The following MEIS2 variants were observed in gnomAD, a reference collection of about 807,000 sequenced individuals.
The protein encoded by MEIS2 is Meis homeobox 2, also known as homeobox protein Meis2.
In MEIS2, 9 loss-of-function variants were observed where a neutral mutation model predicts 58.6. The observed-to-expected ratio is 0.15, with a 90% CI of 0.09 to 0.27. The LOEUF is 0.27. MEIS2 is among the 10% of genes least tolerant of loss of function. The probability of loss-of-function intolerance (pLI) is 1.00; values close to 1 mark genes in which losing one functional copy is unlikely to be tolerated. For synonymous variants in MEIS2, 221 were observed against 228.4 expected, an observed-to-expected ratio of 0.97 and a Z score of 0.29; for missense variants, 427 against 635.0, an observed-to-expected ratio of 0.67 and a Z score of 3.52.
intron 7 of MEIS2, among the ~76,000 whole-genome samples, chr15:37,080,365 G>A (rs62045827): frequency 0.014 from 2,068 of 152,186 alleles, 21 homozygotes; most frequent in Non-Finnish European, 0.023. Flanking sequence ...TCTAAACACT[G>A]AGGGGTCTAT....
At chr15:36,996,886 A>AGAAATGGGAGTAACTCTCCATATTACATC (rs2060541224) in intron 8 of MEIS2, among the ~76,000 whole-genome samples, 1 of 152,068 alleles carries the variant, frequency 6.6e-6, no homozygotes, top group Non-Finnish European at 1.5e-5. Context: ...CATATTACAT[A>AGAAATGGGAGTAACTCTCCATATTACATC]CTTGCATTCA....
chr15:37,083,956 G>A (rs1012953073), intron 6 of MEIS2, 71 bp from the exon 7 acceptor site: 141 of 1,371,440 alleles, frequency 1.0e-4, no homozygotes, highest in Non-Finnish European at 1.4e-4. Flanking sequence ...CAAAAGGAAC[G>A]GCACAGAAAG....
At chr15:36,924,990 C>A (rs940231390) in intron 9 of MEIS2, among the ~76,000 whole-genome samples, 11 of 152,238 alleles carry the variant, frequency 7.2e-5, no homozygotes, top group African/African-American at 2.6e-4. Context: ...CTTCTTCCTG[C>A]GCATCAGCAC....
intron 7 of MEIS2, among the ~76,000 whole-genome samples, chr15:37,055,836 G>A (rs899401263): frequency 6.6e-6 from 1 of 152,134 alleles, no homozygotes; most frequent in Non-Finnish European, 1.5e-5. Context: ...GGTCCCAGTG[G>A]TTATTTAGGT....
intron 7 of MEIS2, among the ~76,000 whole-genome samples, chr15:37,064,694 A>C (rs1156397111): frequency 6.6e-6 from 1 of 152,206 alleles, no homozygotes; most frequent in Non-Finnish European, 1.5e-5. Context: ...AGGTTATAAG[A>C]ACACTTACGC....
Position 36,892,070 on chromosome 15 carries a change from C to T in MEIS2, c.*103G>A. On this transcript the variant is annotated 3_prime_UTR_variant, in exon 12 of 12. Transcript: ENST00000561208. ...AAATGACAAAAGTAAAAAATAATCA[C>T]AGCTGTCTGGAATTTCATATTAAGT... The T allele has an allele frequency of 1.6e-6, 2 of 1,255,716 alleles. No individual in the cohort carries two copies. 77.8% of individuals were successfully genotyped at this position (1,255,716 alleles called of 1,614,324 possible).
intron 2 of MEIS2, chr15:37,097,124 A>G (rs1262193540): frequency 6.6e-6 from 1 of 152,122 alleles, no homozygotes; most frequent in African/African-American, 2.4e-5. Context: ...GTGTTTTAAA[A>G]CTTTAAGTGT....
At chr15:36,990,161 G>A (rs79076868) in intron 8 of MEIS2, among the ~76,000 whole-genome samples, 16,163 of 152,090 alleles carry the variant, frequency 0.11, 1,587 homozygotes, top group Admixed American at 0.32. Flanking sequence ...TAGCCAGGAT[G>A]GTCTTGATCT....
chr15:37,095,928 G>C (rs1894168538), intron 3 of MEIS2: 1 of 459,354 alleles, frequency 2.2e-6, no homozygotes, highest in Non-Finnish European at 3.9e-6. Flanking sequence ...GGACCGCTCG[G>C]AGAGGCGCCC....
chr15:37,030,616 C>A (rs1034356789), intron 8 of MEIS2, among the ~76,000 whole-genome samples: 1 of 151,272 alleles, frequency 6.6e-6, no homozygotes, highest in African/African-American at 2.4e-5. Flanking sequence ...GGATTACAGG[C>A]GTGAGTCATC....
chr15:36,921,903 C>T (rs916410662), intron 9 of MEIS2, among the ~76,000 whole-genome samples: 18 of 152,186 alleles, frequency 1.2e-4, no homozygotes, highest in African/African-American at 3.6e-4. Flanking sequence ...TTTGCCCTTA[C>T]GTACGAGGGC....
chr15:36,892,291 A>G lies in MEIS2; in HGVS notation c.1316T>C (p.Met439Thr), dbSNP rs768515170. Residue 439 changes from methionine to threonine, a missense_variant, in exon 12 of 12, where the codon ATG becomes ACG. By Grantham distance (81) the Met-to-Thr change is moderately conservative (BLOSUM62 -1). Transcript: ENST00000561208. ...LPSHPHHPAM[M>T]MHGGPPTHPG... ...GTGGGTAGGGGGTCCTCCGTGCATC[A>G]TCATGGCTGGGTGGTGGGGATGGCT... 3.1e-6 allele frequency: 5 copies of G among 1,613,902 alleles called. No homozygotes were observed. The highest frequency in any genetic ancestry group is 4.2e-6 in the Non-Finnish European group (5 of 1,179,934).
chr15:37,072,315 A>C (rs1367159449), intron 7 of MEIS2, among the ~76,000 whole-genome samples: 1 of 152,082 alleles, frequency 6.6e-6, no homozygotes, highest in African/African-American at 2.4e-5. Flanking sequence ...TTCCCACTGG[A>C]AAGTCCTGGT....
intron 8 of MEIS2, among the ~76,000 whole-genome samples, chr15:36,976,082 A>G (rs1160949703): frequency 6.6e-6 from 1 of 151,888 alleles, no homozygotes. Context: ...AATTATAAAG[A>G]GTTTTATTTT....
At chr15:37,011,528 T>C (rs2061153688) in intron 8 of MEIS2, among the ~76,000 whole-genome samples, 1 of 151,938 alleles carries the variant, frequency 6.6e-6, no homozygotes, top group African/African-American at 2.4e-5. Flanking sequence ...GACATGTGCG[T>C]TGTCAGTAGC....
In MEIS2 at chr15:36,891,849, T is replaced by C. The variant is rs1693237017; in HGVS notation, c.*324A>G. 5.7e-6 allele frequency: 2 copies of C among 351,880 alleles called. No individual in the cohort carries two copies. Among genetic ancestry groups the C allele is most frequent in the African/African-American group, 4.3e-5 (2 of 46,082 alleles). 21.8% of individuals were successfully genotyped at this position (351,880 alleles called of 1,614,324 possible). On this transcript the variant is annotated 3_prime_UTR_variant, in exon 12 of 12. Coordinates refer to ENST00000561208, the MANE Select transcript of MEIS2 (RefSeq NM_170675.5). ...CAAGGATATATTTTTTTTTCTCTTC[T>C]AAAACTATTTGAGGCAACATAACGG... is the stretch of plus-strand genomic sequence containing the variant.
chr15:36,919,725 A>G (rs930931824), intron 9 of MEIS2, among the ~76,000 whole-genome samples: 1 of 152,206 alleles, frequency 6.6e-6, no homozygotes, highest in Admixed American at 6.5e-5. Flanking sequence ...ATGAACATTA[A>G]AATTTGTGTT....
intron 9 of MEIS2, among the ~76,000 whole-genome samples, chr15:36,941,923 C>T (rs986621836): frequency 1.3e-5 from 2 of 152,084 alleles, no homozygotes; most frequent in Non-Finnish European, 2.9e-5. Flanking sequence ...GTAATTACTG[C>T]TAAAGTTGGT....
chr15:37,077,583 A>G (rs1428740534), intron 7 of MEIS2, among the ~76,000 whole-genome samples: 1 of 152,076 alleles, frequency 6.6e-6, no homozygotes, highest in African/African-American at 2.4e-5. Context: ...CCCAATTAAT[A>G]TGAAATGCTT....
Sources: gnomAD v4.1 joint callset for allele counts (sites outside exome capture counted in the v4.1 genomes callset) on GRCh38, gnomAD v4.1.1 for gene constraint, MANE v1.5 for transcripts, NCBI Gene and HGNC (gene_info 2026-07-23, HGNC 2026-07-21) for gene names.